Variants in SMCHD1 observed in about 807,000 individuals in gnomAD.
SMCHD1 encodes the protein structural maintenance of chromosomes flexible hinge domain containing 1.
SMCHD1 carries 78 observed loss-of-function variants against 254.7 expected under a neutral mutation model. That is an observed-to-expected ratio of 0.31 (90% CI 0.26 to 0.37). The LOEUF (loss-of-function observed/expected upper bound fraction) is 0.37, where lower values mean the gene tolerates loss of function less well. Ranked by LOEUF, SMCHD1 falls within the 10% of genes least tolerant of loss-of-function variation. The pLI is 1.00. For synonymous variants in SMCHD1, 766 were observed against 794.9 expected (o/e 0.96, Z 0.61); for missense variants, 1,840 against 2,408.1 (o/e 0.76, Z 4.94).
chr18:2,773,184 C>G (rs1022044144), intron 41 of SMCHD1, among the ~76,000 whole-genome samples: 1 of 151,952 alleles, frequency 6.6e-6, no homozygotes, highest in Admixed American at 6.6e-5. Flanking sequence ...ACCTCAGATC[C>G]GCAAACTGAA....
intron 47 of SMCHD1, among the ~76,000 whole-genome samples, chr18:2,797,790 G>A (rs1329548173): frequency 2.0e-5 from 3 of 152,200 alleles, no homozygotes; most frequent in East Asian, 1.9e-4. Context: ...GGTGGCGCAC[G>A]CCTGTAATCC....
rs1356682578 is a variant in SMCHD1, at chr18:2,697,981, C to T, written c.1282C>T (p.Arg428Cys). Residue 428 changes from arginine (R) to cysteine (C), a missense_variant, in exon 10 of 48, where the codon CGT (arginine) becomes TGT (cysteine). Arg to Cys is a radical substitution (Grantham distance 180, BLOSUM62 -3). Around this residue, in one of 9 missense-constraint regions of SMCHD1, gnomAD observed 498 missense variants for 743.5 expected, o/e 0.67. Transcript: ENST00000320876. ...EGDGVVEGII[R>C]YHPFLYDRET... Reference sequence around the variant, plus strand: ...AGATGGTGTAGTGGAAGGGATTATCCGTTATCATCCATTCTTATATGATAG... The same window carrying T: ...AGATGGTGTAGTGGAAGGGATTATCTGTTATCATCCATTCTTATATGATAG... 3.1e-6 allele frequency: 5 copies of T among 1,613,392 alleles called. No individual in the cohort carries two copies. Among genetic ancestry groups the T allele is most frequent in the Admixed American group, 3.3e-5 (2 of 59,992 alleles).
At chr18:2,725,346 T>C (rs2075006612) in intron 21 of SMCHD1, among the ~76,000 whole-genome samples, 2 of 151,922 alleles carry the variant, frequency 1.3e-5, no homozygotes, top group South Asian at 4.1e-4. Context: ...CACTTTTGAA[T>C]ATTTTTCTTA....
chr18:2,699,426 G>T (rs2074352624), intron 10 of SMCHD1, among the ~76,000 whole-genome samples: 1 of 152,138 alleles, frequency 6.6e-6, no homozygotes, highest in Non-Finnish European at 1.5e-5. Context: ...TGCAGTCTCT[G>T]CCTCCCAGGT....
chr18:2,669,889 T>A (rs2073548552), intron 3 of SMCHD1, among the ~76,000 whole-genome samples: 1 of 152,208 alleles, frequency 6.6e-6, no homozygotes. Context: ...ATACTTGTAT[T>A]TCTCATACCT....
chr18:2,776,469 A>G (rs561119972), intron 42 of SMCHD1, among the ~76,000 whole-genome samples: 7 of 151,892 alleles, frequency 4.6e-5, no homozygotes, highest in South Asian at 2.1e-4. Flanking sequence ...TCAGCCTCCC[A>G]TACTGCTAGG....
intron 17 of SMCHD1, among the ~76,000 whole-genome samples, chr18:2,711,186 T>G (rs1183581742): frequency 6.6e-6 from 1 of 151,842 alleles, no homozygotes; most frequent in African/African-American, 2.4e-5. Context: ...TTTTTAAAAA[T>G]ATTGACGAGG....
intron 13 of SMCHD1, among the ~76,000 whole-genome samples, chr18:2,704,604 A>AT (rs141807133): frequency 0.017 from 2,327 of 138,938 alleles, 34 homozygotes; most frequent in Middle Eastern, 0.04. Context: ...AGAGGAGAGG[A>AT]TTTTTTTTTT....
chr18:2,656,946 C>A (rs765086029), intron 1 of SMCHD1, among the ~76,000 whole-genome samples: 3 of 152,196 alleles, frequency 2.0e-5, no homozygotes, highest in Admixed American at 6.5e-5. Context: ...GAAAACGTAC[C>A]TACCCCGTGT....
chr18:2,772,292 C>G lies in SMCHD1; in HGVS notation c.5095C>G (p.Gln1699Glu), dbSNP rs780458854. 9 of 1,606,970 alleles carry G rather than the reference C, an allele frequency of 5.6e-6. No homozygotes were observed. Among genetic ancestry groups the G allele is most frequent in the African/African-American group, 2.7e-5 (2 of 74,406 alleles). The change falls in exon 41 of 48, where the codon CAA becomes GAA. Residue 1699 changes from glutamine to glutamate, a missense_variant. Transcript: ENST00000320876. Reference protein sequence around the residue: ...EALLKRKLSEQEELKKKPRRS... With the variant: ...EALLKRKLSEEEELKKKPRRS... ...ACTTCTGAAAAGAAAGCTATCAGAACAAGAAGAACTGAAGAAAAAACCTAG... is the reference window on the plus strand; with the variant it reads ...ACTTCTGAAAAGAAAGCTATCAGAAGAAGAAGAACTGAAGAAAAAACCTAG...
At chr18:2,772,621 A>G (rs186487068) in intron 41 of SMCHD1, among the ~76,000 whole-genome samples, 117 of 152,304 alleles carry the variant, frequency 7.7e-4, no homozygotes, top group African/African-American at 2.7e-3. Flanking sequence ...TTACTTAGAG[A>G]TGCTTTCATG....
chr18:2,730,004 G>A (rs1460307020), intron 24 of SMCHD1, among the ~76,000 whole-genome samples: 1 of 152,130 alleles, frequency 6.6e-6, no homozygotes, highest in East Asian at 1.9e-4. Context: ...GTGCACCACT[G>A]TGCCCAGCCA....
chr18:2,702,340 A>G (rs916942515), intron 12 of SMCHD1: 10 of 151,806 alleles, frequency 6.6e-5, no homozygotes, highest in Admixed American at 5.9e-4. Context: ...AGAAAAGTTG[A>G]AAGAATATTA....
chr18:2,748,454 C>T (rs62077665), intron 30 of SMCHD1, among the ~76,000 whole-genome samples: 38,135 of 133,892 alleles, frequency 0.28, 5,788 homozygotes, highest in East Asian at 0.49. Context: ...AGTGCAGTGG[C>T]GTGATCTTGG....
intron 47 of SMCHD1, 77 bp downstream of exon 47, chr18:2,796,598 T>TA: frequency 1.0e-6 from 1 of 961,224 alleles, no homozygotes; most frequent in Non-Finnish European, 1.6e-6. Context: ...TTTGTTTTTT[T>TA]GAGATGAAGT....
intron 24 of SMCHD1, among the ~76,000 whole-genome samples, chr18:2,729,709 C>CTTTTTT (rs72203094): frequency 7.1e-6 from 1 of 140,476 alleles, no homozygotes. Context: ...TATTCTTTCG[C>CTTTTTT]TTTTTTTTTT....
In SMCHD1 at chr18:2,673,925, C is replaced by T. The variant is rs180876003; in HGVS notation, c.508-90C>T. ...TTCCATCAGTAATGTATAAGTGAGC[C>T]TGTTGAATCATTTTTTTCATGTTTA... is the stretch of plus-strand genomic sequence containing the variant. On this transcript the variant is annotated intron_variant, in intron 4 of 47. Coordinates refer to ENST00000320876, the MANE Select transcript of SMCHD1 (RefSeq NM_015295.3). The T allele has an allele frequency of 1.2e-4, 157 of 1,288,596 alleles. No homozygotes were observed. The African/African-American group carries it at 1.8e-3, about 15-fold the overall frequency. The allele number at this position is 1,288,596 out of a possible 1,614,324, so 79.8% of individuals were successfully genotyped here. A position where few individuals can be genotyped will look rare whatever the true frequency, so the allele number is the denominator to read the frequency against.
At chr18:2,713,704 A>G (rs1316248719) in intron 17 of SMCHD1, among the ~76,000 whole-genome samples, 4 of 152,182 alleles carry the variant, frequency 2.6e-5, no homozygotes, top group African/African-American at 9.7e-5. Context: ...TATGTATTTT[A>G]AATTTTCATA....
chr18:2,660,216 C>T (rs563809500), intron 1 of SMCHD1, among the ~76,000 whole-genome samples: 2 of 151,960 alleles, frequency 1.3e-5, no homozygotes, highest in South Asian at 2.1e-4. Context: ...CCCAGCTACT[C>T]GAGAGGCTGA....
Sources: allele counts gnomAD v4.1 joint callset (sites outside exome capture counted in the v4.1 genomes callset), GRCh38; gene constraint gnomAD v4.1.1; regional missense constraint gnomAD v4.1.1; transcripts MANE v1.5; gene names NCBI Gene and HGNC (gene_info 2026-07-23, HGNC 2026-07-21).